Variants in LRP1B observed in about 807,000 individuals in gnomAD.
LRP1B encodes LDL receptor related protein 1B.
In LRP1B, 217 loss-of-function variants were observed where a neutral mutation model predicts 556.6. That is an observed-to-expected ratio of 0.39 (90% confidence interval 0.35 to 0.44). The LOEUF (loss-of-function observed/expected upper bound fraction) is 0.44, where lower values mean the gene tolerates loss of function less well. LRP1B is among the 20% of genes least tolerant of loss of function. LRP1B has a pLI of 1.00. For synonymous variants in LRP1B, 2,047 were observed against 1,865.8 expected, an observed-to-expected ratio of 1.10 and a Z score of -2.50; for missense variants, 5,053 against 5,620.8, an observed-to-expected ratio of 0.90 and a Z score of 3.23.
At chr2:140,488,285 A>G (rs1350861694) in intron 57 of LRP1B, among the ~76,000 whole-genome samples, 2 of 152,068 alleles carry the variant, frequency 1.3e-5, no homozygotes, top group Non-Finnish European at 2.9e-5. Context: ...CCTGCTTCAG[A>G]TGGCCCCTTG....
intron 7 of LRP1B, among the ~76,000 whole-genome samples, chr2:141,128,152 T>A (rs1051899833): frequency 6.6e-6 from 1 of 152,156 alleles, no homozygotes; most frequent in African/African-American, 2.4e-5. Context: ...CTGGCCTTCA[T>A]TTGAATAATT....
intron 35 of LRP1B, among the ~76,000 whole-genome samples, chr2:140,756,821 T>C (rs1272478635): frequency 6.6e-6 from 1 of 152,140 alleles, no homozygotes; most frequent in East Asian, 1.9e-4. Flanking sequence ...AGCTAAATTA[T>C]ACTTCATCAA....
chr2:140,365,002 CAT>C (rs1210533222), intron 71 of LRP1B, among the ~76,000 whole-genome samples: 6 of 151,342 alleles, frequency 4.0e-5, no homozygotes, highest in Admixed American at 3.3e-4. Context: ...ATATTACTCT[CAT>C]ATATGTCTAT....
intron 3 of LRP1B, among the ~76,000 whole-genome samples, chr2:141,332,481 C>T (rs1687689850): frequency 6.7e-6 from 1 of 149,862 alleles, no homozygotes; most frequent in Non-Finnish European, 1.5e-5. Context: ...TTATATGCAT[C>T]ATCTAAGGCC....
chr2:140,788,126 A>G (rs1157053758), intron 32 of LRP1B, among the ~76,000 whole-genome samples: 1 of 152,206 alleles, frequency 6.6e-6, no homozygotes, highest in African/African-American at 2.4e-5. Flanking sequence ...GAAACATTCC[A>G]CCATATTAAT....
intron 1 of LRP1B, among the ~76,000 whole-genome samples, chr2:141,999,760 A>C (rs1293327888): frequency 6.6e-6 from 1 of 151,972 alleles, no homozygotes; most frequent in African/African-American, 2.4e-5. Context: ...ATTAGAAATC[A>C]TATGAAAACC....
chr2:140,789,175 C>T (rs149445790), intron 32 of LRP1B, among the ~76,000 whole-genome samples: 316 of 152,264 alleles, frequency 2.1e-3, no homozygotes, highest in Admixed American at 3.4e-3. Context: ...GAGTCTGAGA[C>T]ATTTTTGAGG....
At chr2:141,824,483 C>A (rs1009713758) in intron 1 of LRP1B, among the ~76,000 whole-genome samples, 1 of 152,116 alleles carries the variant, frequency 6.6e-6, no homozygotes, top group African/African-American at 2.4e-5. Context: ...CCTCAGCCTC[C>A]CGAGTAGAGT....
chr2:140,394,149 G>A (rs1307678840), intron 66 of LRP1B, among the ~76,000 whole-genome samples: 1 of 124,558 alleles, frequency 8.0e-6, no homozygotes, highest in Non-Finnish European at 1.7e-5. Flanking sequence ...TTTTTTTGGT[G>A]CATACGCACT....
rs899508659 is a variant in LRP1B at position 140,268,812 on chromosome 2, C to T, written c.13247+1430G>A. Among the ~76,000 whole-genome samples the T allele has an allele frequency of 3.4e-4, 52 of 151,588 alleles. 1 individual carries two copies. The highest frequency in any genetic ancestry group is 1.2e-3 in the African/African-American group (51 of 41,294). ...TTCAGACTGTAAAAAAGGTCTTACT[C>T]TAAGATCTTTCATCTATAAAGAGGT... On this transcript the variant is annotated intron_variant, in intron 86 of 90. Coordinates refer to ENST00000389484, the MANE Select transcript of LRP1B (RefSeq NM_018557.3).
intron 3 of LRP1B, among the ~76,000 whole-genome samples, chr2:141,376,237 T>TTAGGTATCTCCATATATCA (rs1250571745): frequency 2.6e-5 from 4 of 152,150 alleles, no homozygotes; most frequent in Admixed American, 6.5e-5. Context: ...TGTGCAATCT[T>TTAGGTATCTCCATATATCA]TAGGTATCTC....
At chr2:141,997,975 C>G (rs1278913770) in intron 1 of LRP1B, among the ~76,000 whole-genome samples, 1 of 152,026 alleles carries the variant, frequency 6.6e-6, no homozygotes, top group Admixed American at 6.6e-5. Flanking sequence ...TACCTGATTT[C>G]TTTTGAATAA....
intron 20 of LRP1B, among the ~76,000 whole-genome samples, chr2:140,946,949 A>T (rs1695566239): frequency 6.6e-6 from 1 of 152,200 alleles, no homozygotes; most frequent in Non-Finnish European, 1.5e-5. Flanking sequence ...AGATGTTCTT[A>T]CTTGTAAGTG....
chr2:141,000,412 G>C (rs1318538897), intron 15 of LRP1B, among the ~76,000 whole-genome samples: 3 of 152,046 alleles, frequency 2.0e-5, no homozygotes, highest in African/African-American at 7.2e-5. Context: ...CAATTTTTCA[G>C]TCTCAGGTTC....
intron 1 of LRP1B, among the ~76,000 whole-genome samples, chr2:141,849,006 T>G (rs1697751833): frequency 6.6e-6 from 1 of 151,578 alleles, no homozygotes; most frequent in Non-Finnish European, 1.5e-5. Context: ...AAAAGGATAA[T>G]TAAAAAGAAA....
intron 31 of LRP1B, among the ~76,000 whole-genome samples, chr2:140,831,709 G>A (rs1691723001): frequency 6.6e-6 from 1 of 152,016 alleles, no homozygotes; most frequent in African/African-American, 2.4e-5. Flanking sequence ...CACAGCAAAG[G>A]AAACAATCAA....
intron 66 of LRP1B, among the ~76,000 whole-genome samples, chr2:140,401,225 T>C (rs11900993): frequency 6.6e-6 from 1 of 152,156 alleles, no homozygotes; most frequent in African/African-American, 2.4e-5. Context: ...TGACATGGTC[T>C]GAAAGCCTCT....
intron 6 of LRP1B, among the ~76,000 whole-genome samples, chr2:141,198,255 C>A (rs1367428094): frequency 6.6e-6 from 1 of 152,046 alleles, no homozygotes; most frequent in East Asian, 1.9e-4. Flanking sequence ...CTGAGTTGAA[C>A]AAACAAAGGC....
chr2:141,069,146 C>G (rs1699564351), intron 7 of LRP1B, among the ~76,000 whole-genome samples: 1 of 151,986 alleles, frequency 6.6e-6, no homozygotes, highest in African/African-American at 2.4e-5. Flanking sequence ...CTGGCAAGTA[C>G]AAATGCAGTC....
Sources: allele counts gnomAD v4.1 joint callset (sites outside exome capture counted in the v4.1 genomes callset), GRCh38; gene constraint gnomAD v4.1.1; transcripts MANE v1.5; gene names NCBI Gene and HGNC (gene_info 2026-07-23, HGNC 2026-07-21).